The following TEKT2 variants were observed in gnomAD, a reference collection of about 807,000 sequenced individuals.
TEKT2 encodes tektin-2.
TEKT2 carries 45 observed loss-of-function variants against 49.8 expected under a neutral mutation model. That is an observed-to-expected ratio of 0.90 (90% CI 0.71 to 1.16). The LOEUF (loss-of-function observed/expected upper bound fraction) is 1.16, where lower values mean the gene tolerates loss of function less well. Among genes scored for constraint, TEKT2 ranks in the 50% most tolerant of loss-of-function variants. The pLI is 0.00. For synonymous variants in TEKT2, 202 were observed against 224.6 expected, an observed-to-expected ratio of 0.90 and a Z score of 0.90; for missense variants, 523 against 551.4, an observed-to-expected ratio of 0.95 and a Z score of 0.52.
chr1:36,086,166 C>T, intron 4 of TEKT2, 125 bp downstream of exon 4: 1 of 1,029,896 alleles, frequency 9.7e-7, no homozygotes, highest in Non-Finnish European at 1.5e-6. Flanking sequence ...CCCTCTGGTG[C>T]CTGTGACAGA....
rs745411216 is a variant in TEKT2 at position 36,084,952 on chromosome 1, C to T, written c.31C>T (p.Arg11Cys). MATLSVKPSR[R>C]FQLPDWHTNS... ...CACGCTGAGCGTCAAGCCAAGTCGG[C>T]GCTTCCAGCTGCCCGACTGGCACAC... Residue 11 changes from arginine to cysteine, a missense_variant, in exon 2 of 10, where the codon CGC becomes TGC. Physicochemically the swap from Arg to Cys is radical, Grantham distance 180. Transcript: ENST00000207457. The surrounding 1 kb of genome is among the most constrained non-coding windows in gnomAD (Gnocchi z 4.1). 21 of 1,613,958 alleles carry T rather than the reference C, an allele frequency of 1.3e-5. No homozygotes were observed. The highest frequency in any genetic ancestry group is 1.6e-4 in the Middle Eastern group (1 of 6,066).
rs41267269 is a variant in TEKT2, at chr1:36,087,238, C to T, written c.782C>T (p.Thr261Met). ...GAGCTTGAAGCCCAGAGAGTTGCAA[C>T]GGAATTTGCCTTCAGGAAGCGGCTG... Reference protein sequence around the residue: ...NNELEAQRVATEFAFRKRLRE... With the variant: ...NNELEAQRVAMEFAFRKRLRE... Residue 261 changes from threonine (T) to methionine (M), a missense_variant, in exon 7 of 10, where the codon ACG (threonine) becomes ATG (methionine). Transcript: ENST00000207457. The surrounding 1 kb of genome is among the most constrained non-coding windows in gnomAD (Gnocchi z 4.9). 171 of 1,613,978 alleles carry T rather than the reference C, an allele frequency of 1.1e-4. No individual in the cohort carries two copies. The highest frequency in any genetic ancestry group is 1.8e-4 in the Admixed American group (11 of 60,000).
rs399393 is a variant in TEKT2 at position 36,088,072 on chromosome 1, A to G, written c.1179A>G (p.Thr393=). 0.92 allele frequency: 1,487,786 copies of G among 1,612,964 alleles called. 686,516 individuals carry two copies. The highest frequency in any genetic ancestry group is 1 in the East Asian group (44,834 of 44,846). ...TGCTGGACACCAAGTGCATGGACAC[A>G]CGGCGCAAGCTGACCGTGCCTGCTG... is the stretch of plus-strand genomic sequence containing the variant. The part of the protein sequence containing the change: ...SMLLDTKCMD[T]RRKLTVPAER... The change falls in exon 10 of 10, where the codon ACA becomes ACG. Residue 393 remains threonine, a synonymous_variant. Transcript: ENST00000207457.
chr1:36,088,204 A>C lies in TEKT2; in HGVS notation c.*18A>C. 1 of 889,874 alleles carries C rather than the reference A, an allele frequency of 1.1e-6. No individual in the cohort carries two copies. Among genetic ancestry groups the C allele is most frequent in the Non-Finnish European group, 1.8e-6 (1 of 570,700 alleles). 55.1% of individuals were successfully genotyped at this position (889,874 alleles called of 1,614,324 possible). On this transcript the variant is annotated 3_prime_UTR_variant, in exon 10 of 10. Transcript: ENST00000207457. ...TGGCCTAGCCTTGGAGGACTGCAGGAGGAGGGCAGGGTTGGGTGGGCAATG... is the reference window on the plus strand; with the variant it reads ...TGGCCTAGCCTTGGAGGACTGCAGGCGGAGGGCAGGGTTGGGTGGGCAATG...
rs565508569 is a variant in TEKT2 at position 36,087,321 on chromosome 1, T to C, written c.855+10T>C. Reference sequence around the variant, plus strand: ...GTGGCAAGAGAAGAATGTGAGCATCTCCAGGGGCCTGGACTTCCTGCTGTG... The same window carrying C: ...GTGGCAAGAGAAGAATGTGAGCATCCCCAGGGGCCTGGACTTCCTGCTGTG... On this transcript the variant is annotated intron_variant, in intron 7 of 9. Coordinates refer to ENST00000207457, the MANE Select transcript of TEKT2 (RefSeq NM_014466.3). This position sits in a 1 kb window ranked among gnomAD's most constrained non-coding sequence, Gnocchi z 4.9. 11 of 1,613,848 alleles carry C rather than the reference T, an allele frequency of 6.8e-6. No homozygotes were observed. The highest frequency in any genetic ancestry group is 8.5e-6 in the Non-Finnish European group (10 of 1,180,004).
rs771915352 is a variant in TEKT2, at chr1:36,087,827, G to A, written c.1079+20G>A. Reference sequence around the variant, plus strand: ...AGCACAGTAGGTCTCGGGAGTGGGCGGAAGGAGCAGTGAGACGCTGCCCAC... The same window carrying A: ...AGCACAGTAGGTCTCGGGAGTGGGCAGAAGGAGCAGTGAGACGCTGCCCAC... On this transcript the variant is annotated intron_variant, in intron 9 of 9. Transcript: ENST00000207457. This position sits in a 1 kb window ranked among gnomAD's most constrained non-coding sequence, Gnocchi z 4.9. The A allele has an allele frequency of 8.1e-6, 13 of 1,612,520 alleles. No individual in the cohort carries two copies. Among genetic ancestry groups the A allele is most frequent in the Admixed American group, 5.0e-5 (3 of 59,808 alleles).
chr1:36,087,094 C>A lies in TEKT2; in HGVS notation c.747+49C>A. On this transcript the variant is annotated intron_variant, in intron 6 of 9. Transcript: ENST00000207457. The surrounding 1 kb of genome is among the most constrained non-coding windows in gnomAD (Gnocchi z 4.9). ...GGATGGTCCCAGTGTGCGCTCAGCC[C>A]TTATCTTCTGTTCCCTGCTGTGCAT... 6.2e-7 allele frequency: 1 copy of A among 1,607,520 alleles called. No homozygotes were observed.
rs147098810 is a variant in TEKT2 at position 36,084,527 on chromosome 1, G to A, written c.-52-343G>A. ...ATCAACAAGGCATGGTTGGCTGGGG[G>A]CAGGTGTGGAAAATGCATTAAGGGC... On this transcript the variant is annotated intron_variant, in intron 1 of 9. Coordinates refer to ENST00000207457, the MANE Select transcript of TEKT2 (RefSeq NM_014466.3). This position sits in a 1 kb window ranked among gnomAD's most constrained non-coding sequence, Gnocchi z 4.1. 17 of 327,086 alleles carry A rather than the reference G, an allele frequency of 5.2e-5. No individual in the cohort carries two copies. Among genetic ancestry groups the A allele is most frequent in the African/African-American group, 3.6e-4 (17 of 47,004 alleles). The allele number at this position is 327,086 out of a possible 1,614,324, so 20.3% of individuals were successfully genotyped here. A position where few individuals can be genotyped will look rare whatever the true frequency, so the allele number is the denominator to read the frequency against.
intron 4 of TEKT2, 95 bp from the exon 5 acceptor site, chr1:36,086,608 AC>A: frequency 1.3e-6 from 2 of 1,549,072 alleles, no homozygotes; most frequent in Non-Finnish European, 1.8e-6. Flanking sequence ...GGGAAGGGTC[AC>A]CCCAGCCTCC....
In TEKT2 at chr1:36,084,990, G is replaced by A; in HGVS notation, c.69G>A (p.Leu23=). ...QLPDWHTNSY[L]LSTNAQLQRD... ...CCGACTGGCACACTAACAGCTACCT[G>A]CTATCCACCAATGCCCAGCTGCAGC... The change falls in exon 2 of 10, where the codon CTG becomes CTA. Residue 23 remains leucine, a synonymous_variant. Transcript: ENST00000207457. The surrounding 1 kb of genome is among the most constrained non-coding windows in gnomAD (Gnocchi z 4.1). 1 of 1,614,030 alleles carries A rather than the reference G, an allele frequency of 6.2e-7. No homozygotes were observed. Among genetic ancestry groups the A allele is most frequent in the South Asian group, 1.1e-5 (1 of 91,082 alleles).
At position 36,085,192 on chromosome 1, in the gene TEKT2, T is replaced by A; in HGVS notation, c.186T>A (p.Thr62=). The A allele has an allele frequency of 6.2e-7, 1 of 1,614,220 alleles. No individual in the cohort carries two copies. The highest frequency in any genetic ancestry group is 8.5e-7 in the Non-Finnish European group (1 of 1,180,046). Residue 62 remains threonine (T), a synonymous_variant, in exon 3 of 10, where the codon ACT becomes ACA. Coordinates refer to ENST00000207457, the MANE Select transcript of TEKT2 (RefSeq NM_014466.3). ...TTTGGGATGAACATGACAACAGGAC[T>A]CGACTGGTGGAGAGGATTGATACTG... ...QTIWDEHDNR[T]RLVERIDTVN...
chr1:36,086,908 C>G (rs1393449681), intron 5 of TEKT2, 23 bp from the exon 6 acceptor site: 3 of 1,613,916 alleles, frequency 1.9e-6, no homozygotes, highest in South Asian at 2.2e-5. Context: ...CCTCATGACC[C>G]CCATTTTCCC....
At position 36,087,332 on chromosome 1, in the gene TEKT2, G is replaced by A. The variant is rs1643397056; in HGVS notation, c.855+21G>A. Reference sequence around the variant, plus strand: ...AGAATGTGAGCATCTCCAGGGGCCTGGACTTCCTGCTGTGGGATGAGAAGC... The same window carrying A: ...AGAATGTGAGCATCTCCAGGGGCCTAGACTTCCTGCTGTGGGATGAGAAGC... On this transcript the variant is annotated intron_variant, in intron 7 of 9. Transcript: ENST00000207457. The surrounding 1 kb of genome is among the most constrained non-coding windows in gnomAD (Gnocchi z 4.9). 1.2e-6 allele frequency: 2 copies of A among 1,613,858 alleles called. No homozygotes were observed. The highest frequency in any genetic ancestry group is 3.3e-5 in the Admixed American group (2 of 59,992).
chr1:36,084,289 G>A lies in TEKT2; in HGVS notation c.-53+140G>A, dbSNP rs1352271925. 6.2e-6 allele frequency: 1 copy of A among 160,608 alleles called. No individual in the cohort carries two copies. Among genetic ancestry groups the A allele is most frequent in the Non-Finnish European group, 1.4e-5 (1 of 72,930 alleles). 9.9% of individuals were successfully genotyped at this position (160,608 alleles called of 1,614,324 possible). ...GGACTGACCCCAGCTCTTCCCACGG[G>A]GCTCTCCCTGTCCGGCCTTCCCCTC... On this transcript the variant is annotated intron_variant, in intron 1 of 9. Transcript: ENST00000207457. The surrounding 1 kb of genome is among the most constrained non-coding windows in gnomAD (Gnocchi z 4.1).
In TEKT2 at chr1:36,087,484, G is replaced by A; in HGVS notation, c.901G>A (p.Glu301Lys). The change falls in exon 8 of 10, where the codon GAG (glutamate) becomes AAG (lysine). Residue 301 changes from glutamate to lysine, a missense_variant. Coordinates refer to ENST00000207457, the MANE Select transcript of TEKT2 (RefSeq NM_014466.3). The surrounding 1 kb of genome is among the most constrained non-coding windows in gnomAD (Gnocchi z 4.9). The part of the protein sequence containing the change: ...AELQEDIRHL[E>K]EDLRTKLLSL... ...GCTGCAGGAGGACATCCGGCACCTG[G>A]AGGAGGATCTGCGCACAAAGCTCCT... 6.2e-7 allele frequency: 1 copy of A among 1,613,820 alleles called. No individual in the cohort carries two copies. The highest frequency in any genetic ancestry group is 8.5e-7 in the Non-Finnish European group (1 of 1,180,026).
At position 36,088,043 on chromosome 1, in the gene TEKT2, A is replaced by G; in HGVS notation, c.1150A>G (p.Met384Val). 1 of 1,612,876 alleles carries G rather than the reference A, an allele frequency of 6.2e-7. No homozygotes were observed. Among genetic ancestry groups the G allele is most frequent in the Non-Finnish European group, 8.5e-7 (1 of 1,179,824 alleles). ...TGACATTGCCTGCAAGGCCAACTCCATGCTGCTGGACACCAAGTGCATGGA... is the reference window on the plus strand; with the variant it reads ...TGACATTGCCTGCAAGGCCAACTCCGTGCTGCTGGACACCAAGTGCATGGA... ...QADIACKANS[M>V]LLDTKCMDTR... Residue 384 changes from methionine (M) to valine (V), a missense_variant, in exon 10 of 10, where the codon ATG becomes GTG. Transcript: ENST00000207457.
chr1:36,084,979 A>G lies in TEKT2; in HGVS notation c.58A>G (p.Asn20Asp), dbSNP rs1234045331. ...RRFQLPDWHT[N>D]SYLLSTNAQL... is the part of the protein sequence containing the mutation. ...CTTCCAGCTGCCCGACTGGCACACTAACAGCTACCTGCTATCCACCAATGC... is the reference window on the plus strand; with the variant it reads ...CTTCCAGCTGCCCGACTGGCACACTGACAGCTACCTGCTATCCACCAATGC... Residue 20 changes from asparagine to aspartate, a missense_variant, in exon 2 of 10, where the codon AAC (asparagine) becomes GAC (aspartate). Physicochemically the swap from Asn to Asp is conservative, Grantham distance 23. Transcript: ENST00000207457. This position sits in a 1 kb window ranked among gnomAD's most constrained non-coding sequence, Gnocchi z 4.1. The G allele has an allele frequency of 6.2e-7, 1 of 1,614,018 alleles. No homozygotes were observed.
At chr1:36,085,511 T>G (rs982799353) in intron 3 of TEKT2, among the ~76,000 whole-genome samples, 11 of 130,970 alleles carry the variant, frequency 8.4e-5, no homozygotes, top group African/African-American at 2.9e-4. Flanking sequence ...TCTTTTCTTT[T>G]TTTTTTTTTT....
chr1:36,084,994 T>G lies in TEKT2; in HGVS notation c.73T>G (p.Ser25Ala). Residue 25 changes from serine to alanine, a missense_variant, in exon 2 of 10, where the codon TCC becomes GCC. By Grantham distance (99) the Ser-to-Ala change is moderately conservative (BLOSUM62 1). Transcript: ENST00000207457. This position sits in a 1 kb window ranked among gnomAD's most constrained non-coding sequence, Gnocchi z 4.1. ...PDWHTNSYLL[S>A]TNAQLQRDAS... The stretch of plus-strand genomic sequence containing the variant: ...CTGGCACACTAACAGCTACCTGCTA[T>G]CCACCAATGCCCAGCTGCAGCGAGA... 6.2e-7 allele frequency: 1 copy of G among 1,614,018 alleles called. No homozygotes were observed.
Sources: allele counts gnomAD v4.1 joint callset (sites outside exome capture counted in the v4.1 genomes callset), GRCh38; gene constraint gnomAD v4.1.1; non-coding constraint Gnocchi (gnomAD v3.1); transcripts MANE v1.5; gene names NCBI Gene and HGNC (gene_info 2026-07-23, HGNC 2026-07-21).